Variants in ZNF469 observed in about 807,000 individuals in gnomAD.
ZNF469 encodes the protein zinc finger protein 469.
A neutral mutation model predicts 1.0 loss-of-function variants in ZNF469; 1 was observed. The ratio of observed to expected loss-of-function variants is 1.00; its 90% CI spans 0.35 to 4.73. The LOEUF is 4.73. Ranked by LOEUF, ZNF469 falls within the 30% of genes most tolerant of loss-of-function variation. The pLI, the probability that ZNF469 is intolerant of heterozygous loss-of-function variation, is 0.16. For synonymous variants in ZNF469, 2,703 were observed against 2,363.4 expected (o/e 1.14, Z -4.17); for missense variants, 6,100 against 5,356.3 (o/e 1.14, Z -4.33).
At chr16:88,346,373 A>C in the ZNF469 span, among the ~76,000 whole-genome samples, 3 of 152,258 alleles carry the variant, frequency 2.0e-5, no homozygotes, top group East Asian at 5.8e-4. Flanking sequence ...GGCTCCTGGC[A>C]GAACTCGCTG....
Position 88,438,248 on chromosome 16 carries a change from A to G in ZNF469, c.10778A>G (p.Gln3593Arg). ...GGCAGCCCCGGGCCTCTTCTCCAGC[A>G]AGCTCTCCCTCTGGGGGCATCTCTG... The part of the protein sequence containing the change: ...SPGSPGPLLQ[Q>R]ALPLGASLPR... The change falls in exon 3 of 3, where the codon CAA becomes CGA. Residue 3593 changes from glutamine (Q) to arginine (R), a missense_variant. Gln to Arg is a conservative substitution (Grantham distance 43). Coordinates refer to ENST00000565624, the MANE Select transcript of ZNF469 (RefSeq NM_001367624.2). 6.5e-7 allele frequency: 1 copy of G among 1,547,776 alleles called. No individual in the cohort carries two copies. The highest frequency in any genetic ancestry group is 8.7e-7 in the Non-Finnish European group (1 of 1,145,180).
the ZNF469 span, among the ~76,000 whole-genome samples, chr16:88,251,635 T>A: frequency 6.4e-5 from 9 of 139,832 alleles, no homozygotes; most frequent in African/African-American, 2.4e-4. Context: ...CTCGGCTCAC[T>A]GCAACCTCCA....
Position 88,436,817 on chromosome 16 carries a change from A to C in ZNF469, c.9347A>C (p.Lys3116Thr), listed in dbSNP as rs1402126174. 10 of 1,539,578 alleles carry C rather than the reference A, an allele frequency of 6.5e-6. No individual in the cohort carries two copies. The East Asian group carries it at 2.4e-4, about 38-fold the overall frequency. ...GCCAAGGGCAGGCGGGCCTCCTACA[A>C]GTGCAAAGTGTGCTTCCAGCGCTTC... The part of the protein sequence containing the change: ...RPAKGRRASY[K>T]CKVCFQRFRS... The change falls in exon 3 of 3, where the codon AAG becomes ACG. Residue 3116 changes from lysine to threonine, a missense_variant. By Grantham distance (78) the Lys-to-Thr change is moderately conservative (BLOSUM62 -1). Coordinates refer to ENST00000565624, the MANE Select transcript of ZNF469 (RefSeq NM_001367624.2).
Position 88,434,539 on chromosome 16 carries a change from G to A in ZNF469, c.7069G>A (p.Gly2357Ser), listed in dbSNP as rs1906430761. The A allele has an allele frequency of 1.3e-6, 2 of 1,550,320 alleles. No individual in the cohort carries two copies. The highest frequency in any genetic ancestry group is 1.4e-5 in the African/African-American group (1 of 73,154). Residue 2357 changes from glycine to serine, a missense_variant, in exon 3 of 3, where the codon GGT becomes AGT. By Grantham distance (56) the Gly-to-Ser change is moderately conservative. Coordinates refer to ENST00000565624, the MANE Select transcript of ZNF469 (RefSeq NM_001367624.2). ...AVPTEPPTLQ[G>S]AGPDSPACLE... Reference sequence around the variant, plus strand: ...GCCCACTGAGCCTCCCACGCTACAGGGTGCAGGGCCGGACTCCCCCGCCTG... The same window carrying A: ...GCCCACTGAGCCTCCCACGCTACAGAGTGCAGGGCCGGACTCCCCCGCCTG...
At chr16:88,200,392 G>A in the ZNF469 span, among the ~76,000 whole-genome samples, 4 of 152,218 alleles carry the variant, frequency 2.6e-5, no homozygotes, top group Admixed American at 2.6e-4. Flanking sequence ...ACGCTCCAAT[G>A]CTCACGCCCC....
intron 1 of ZNF469, among the ~76,000 whole-genome samples, chr16:88,414,029 C>T (rs1905243438): frequency 6.6e-6 from 1 of 152,110 alleles, no homozygotes; most frequent in Admixed American, 6.5e-5. Context: ...CGTCTGGGAC[C>T]CTCAGCATCC....
the ZNF469 span, among the ~76,000 whole-genome samples, chr16:88,365,370 C>T: frequency 6.6e-6 from 1 of 152,216 alleles, no homozygotes. Context: ...AATCAGAGCT[C>T]TACATTCCTG....
At chr16:88,232,213 C>T in the ZNF469 span, among the ~76,000 whole-genome samples, 481 of 152,338 alleles carry the variant, frequency 3.2e-3, 2 homozygotes, top group Non-Finnish European at 5.5e-3. Flanking sequence ...CTGAGTCCTG[C>T]CACTTCTTTC....
Position 88,434,607 on chromosome 16 carries a change from C to T in ZNF469, c.7137C>T (p.Asp2379=). 2 of 1,550,314 alleles carry T rather than the reference C, an allele frequency of 1.3e-6. No homozygotes were observed. The highest frequency in any genetic ancestry group is 1.7e-6 in the Non-Finnish European group (2 of 1,146,946). ...EMGTSSKEPE[D]PGTPETGRSG... is the part of the protein sequence containing the mutation. ...GGACCAGCAGCAAGGAGCCGGAGGA[C>T]CCAGGGACCCCTGAGACCGGGCGCT... Residue 2379 remains aspartate, a synonymous_variant, in exon 3 of 3, where the codon GAC becomes GAT. Coordinates refer to ENST00000565624, the MANE Select transcript of ZNF469 (RefSeq NM_001367624.2).
the ZNF469 span, among the ~76,000 whole-genome samples, chr16:88,160,654 A>AG: frequency 5.9e-3 from 903 of 152,274 alleles, no homozygotes; most frequent in Non-Finnish European, 0.01. Flanking sequence ...GTCCAGAACA[A>AG]GGGGTTGGGG....
chr16:88,243,870 G>T, the ZNF469 span, among the ~76,000 whole-genome samples: 2 of 143,738 alleles, frequency 1.4e-5, no homozygotes, highest in African/African-American at 5.1e-5. Context: ...TTGGATGCAT[G>T]GGTGGATGAG....
chr16:88,234,252 T>G, the ZNF469 span, among the ~76,000 whole-genome samples: 24 of 152,358 alleles, frequency 1.6e-4, no homozygotes, highest in Admixed American at 1.2e-3. Context: ...TGCAGGCACG[T>G]GGGTCGTGGC....
the ZNF469 span, among the ~76,000 whole-genome samples, chr16:88,104,371 A>G: frequency 6.6e-6 from 1 of 152,026 alleles, no homozygotes; most frequent in Non-Finnish European, 1.5e-5. Context: ...ACCACTATCA[A>G]CTTGGAAATT....
the ZNF469 span, among the ~76,000 whole-genome samples, chr16:88,345,052 G>A: frequency 6.6e-6 from 1 of 152,224 alleles, no homozygotes; most frequent in Non-Finnish European, 1.5e-5. Flanking sequence ...GGCCTGAGAA[G>A]ACCAGTCACC....
At chr16:88,378,442 C>G (rs376815609), upstream of ZNF469, among the ~76,000 whole-genome samples, 6 of 152,168 alleles carry the variant, frequency 3.9e-5, no homozygotes, top group Admixed American at 2.0e-4. Flanking sequence ...TGTGCTTGCA[C>G]GCATCGTAAC....
At chr16:88,178,593 C>G in the ZNF469 span, 11 of 152,180 alleles carry the variant, frequency 7.2e-5, no homozygotes, top group Non-Finnish European at 1.3e-4. Context: ...CAGCATCTTG[C>G]CTCGTTTTCC....
chr16:88,202,047 G>A, the ZNF469 span, among the ~76,000 whole-genome samples: 1 of 152,164 alleles, frequency 6.6e-6, no homozygotes, highest in Non-Finnish European at 1.5e-5. Context: ...TTCCTGCCGT[G>A]CTCCCCCCAG....
Position 88,432,515 on chromosome 16 carries a change from G to C in ZNF469, c.5045G>C (p.Gly1682Ala). 6.5e-7 allele frequency: 1 copy of C among 1,550,328 alleles called. No homozygotes were observed. Among genetic ancestry groups the C allele is most frequent in the Non-Finnish European group, 8.7e-7 (1 of 1,146,956 alleles). The change falls in exon 3 of 3, where the codon GGG (glycine) becomes GCG (alanine). Residue 1682 changes from glycine (G) to alanine (A), a missense_variant. By Grantham distance (60) the Gly-to-Ala change is moderately conservative. Transcript: ENST00000565624. ...TGTGCCCAGGAAGACCTGGTTTCTG[G>C]GGCTCCTTTCAGCCCCAGGGGAGCC... is the stretch of plus-strand genomic sequence containing the variant. ...LPCAQEDLVS[G>A]APFSPRGANF...
intron 1 of ZNF469, among the ~76,000 whole-genome samples, chr16:88,386,208 C>G (rs1567497465): frequency 6.6e-6 from 1 of 152,110 alleles, no homozygotes; most frequent in African/African-American, 2.4e-5. Flanking sequence ...GGGGAGGAGA[C>G]CTGGGAGAGT....
Sources: allele counts gnomAD v4.1 joint callset (sites outside exome capture counted in the v4.1 genomes callset), GRCh38; gene constraint gnomAD v4.1.1; transcripts MANE v1.5; gene names NCBI Gene and HGNC (gene_info 2026-07-23, HGNC 2026-07-21).